MTMR9: variants seen among roughly 807,000 people sequenced by gnomAD.
MTMR9 encodes the protein myotubularin related protein 9, also known as myotubularin-related protein 9.
Under a neutral mutation model 69.5 loss-of-function variants are expected in MTMR9, and 39 were observed. The ratio of observed to expected loss-of-function variants is 0.56; its 90% CI spans 0.43 to 0.73. MTMR9 has a LOEUF of 0.73. Among genes scored for constraint, MTMR9 ranks in the 30% least tolerant of loss-of-function variants. The pLI, the probability that MTMR9 is intolerant of heterozygous loss-of-function variation, is 0.00. For synonymous variants in MTMR9, 354 were observed against 240.8 expected, an observed-to-expected ratio of 1.47 and a Z score of -4.35; for missense variants, 900 against 671.2, an observed-to-expected ratio of 1.34 and a Z score of -3.77.
Position 11,325,657 on chromosome 8 carries a change from C to A in MTMR9, c.*2869C>A, listed in dbSNP as rs1585142412. ...AAGGATCCTCAGATTTAAATAAGTACTTTTTTTTTTTTTAATCAGAAGAAC... is the reference window on the plus strand; with the variant it reads ...AAGGATCCTCAGATTTAAATAAGTAATTTTTTTTTTTTTAATCAGAAGAAC... On this transcript the variant is annotated 3_prime_UTR_variant, in exon 10 of 10. Transcript: ENST00000221086. The A allele has an allele frequency of 2.0e-5, 3 of 146,630 alleles. No individual in the cohort carries two copies. Among genetic ancestry groups the A allele is most frequent in the Admixed American group, 2.0e-4 (3 of 14,676 alleles). The allele number at this position is 146,630 out of a possible 1,614,324, so 9.1% of individuals were successfully genotyped here. A position where few individuals can be genotyped will look rare whatever the true frequency, so the allele number is the denominator to read the frequency against.
chr8:11,339,220 C>G, the MTMR9 span, among the ~76,000 whole-genome samples: 2 of 152,196 alleles, frequency 1.3e-5, no homozygotes, highest in Admixed American at 1.3e-4. Flanking sequence ...GTGGTAGCTC[C>G]AATCAAACAG....
intron 2 of MTMR9, among the ~76,000 whole-genome samples, chr8:11,298,110 G>A (rs1799621419): frequency 6.6e-6 from 1 of 152,148 alleles, no homozygotes; most frequent in Non-Finnish European, 1.5e-5. Flanking sequence ...AGTTAGTGAA[G>A]CTTTTTTTCA....
At chr8:11,333,349 T>C in the MTMR9 span, among the ~76,000 whole-genome samples, 3 of 152,218 alleles carry the variant, frequency 2.0e-5, no homozygotes, top group Non-Finnish European at 2.9e-5. Flanking sequence ...TGGGATGATA[T>C]AGTTTAAATG....
intron 7 of MTMR9, among the ~76,000 whole-genome samples, chr8:11,315,493 C>G (rs145384986): frequency 1.5e-3 from 227 of 152,278 alleles, no homozygotes; most frequent in African/African-American, 5.0e-3. Flanking sequence ...AAAACTGAAT[C>G]ATGTAATGTT....
chr8:11,306,981 C>G (rs1040341974), intron 5 of MTMR9, among the ~76,000 whole-genome samples: 3 of 152,186 alleles, frequency 2.0e-5, no homozygotes, highest in African/African-American at 7.2e-5. Context: ...GTTTATCTTT[C>G]TGTGCATGGG....
intron 1 of MTMR9, among the ~76,000 whole-genome samples, chr8:11,292,551 G>A (rs972839305): frequency 6.6e-6 from 1 of 152,160 alleles, no homozygotes; most frequent in Non-Finnish European, 1.5e-5. Context: ...ATGTTAAGTG[G>A]TATCTTACTG....
intron 6 of MTMR9, among the ~76,000 whole-genome samples, chr8:11,312,866 T>C (rs879679520): frequency 6.6e-6 from 1 of 152,210 alleles, no homozygotes; most frequent in Non-Finnish European, 1.5e-5. Flanking sequence ...ACAACATTCA[T>C]CTCCATGTAC....
chr8:11,316,649 G>A (rs1356097459), intron 7 of MTMR9, 24 bp from the exon 8 acceptor site: 1 of 1,529,694 alleles, frequency 6.5e-7, no homozygotes, highest in East Asian at 2.3e-5. Context: ...GGATATGACT[G>A]TCACGCCTCC....
In MTMR9 at chr8:11,324,346, C is replaced by G. The variant is rs1478763848; in HGVS notation, c.*1558C>G. The G allele has an allele frequency of 1.3e-5, 2 of 150,952 alleles. No individual in the cohort carries two copies. The highest frequency in any genetic ancestry group is 5.0e-5 in the African/African-American group (2 of 40,262). The allele number at this position is 150,952 out of a possible 1,614,324, so 9.4% of individuals were successfully genotyped here. A position where few individuals can be genotyped will look rare whatever the true frequency, so the allele number is the denominator to read the frequency against. ...TACACAGCAGCCCACAGTCCACAGT[C>G]TTTTTGGGAAAATTGGCCTGCCACC... On this transcript the variant is annotated 3_prime_UTR_variant, in exon 10 of 10. Coordinates refer to ENST00000221086, the MANE Select transcript of MTMR9 (RefSeq NM_015458.4).
chr8:11,328,361 G>GTT (rs1203298037), downstream of MTMR9, among the ~76,000 whole-genome samples: 3 of 150,632 alleles, frequency 2.0e-5, no homozygotes, highest in Non-Finnish European at 4.4e-5. Flanking sequence ...GTGTGTGTGT[G>GTT]TGTGTGTGTG....
At chr8:11,297,769 A>G (rs769380654) in intron 2 of MTMR9, 8 of 410,616 alleles carry the variant, frequency 1.9e-5, no homozygotes, top group Non-Finnish European at 3.9e-5. Flanking sequence ...ATTATATAAA[A>G]GCCCTTAGGA....
chr8:11,313,835 A>G (rs1800300382), intron 6 of MTMR9, among the ~76,000 whole-genome samples: 1 of 152,200 alleles, frequency 6.6e-6, no homozygotes, highest in Non-Finnish European at 1.5e-5. Context: ...AATAATGAAA[A>G]ATTTTGAAAT....
At chr8:11,318,639 G>A (rs992770499) in intron 8 of MTMR9, 1 of 152,120 alleles carries the variant, frequency 6.6e-6, no homozygotes, top group Non-Finnish European at 1.5e-5. Context: ...TCTAAAACAT[G>A]CCGATCGACT....
In MTMR9 at chr8:11,315,040, C is replaced by A; in HGVS notation, c.1089C>A (p.Ala363=). The A allele has an allele frequency of 6.2e-7, 1 of 1,613,462 alleles. No individual in the cohort carries two copies. Among genetic ancestry groups the A allele is most frequent in the Non-Finnish European group, 8.5e-7 (1 of 1,179,560 alleles). Residue 363 remains alanine, a synonymous_variant, in exon 7 of 10, where the codon GCC becomes GCA. Coordinates refer to ENST00000221086, the MANE Select transcript of MTMR9 (RefSeq NM_015458.4). ...PRSRTIRGFE[A]LIEREWLQAG... is the part of the protein sequence containing the mutation. Reference sequence around the variant, plus strand: ...GCAGGACCATTCGTGGTTTTGAGGCCCTGATTGAAAGAGAGTGGCTGCAGG... The same window carrying A: ...GCAGGACCATTCGTGGTTTTGAGGCACTGATTGAAAGAGAGTGGCTGCAGG...
At chr8:11,331,032 T>A, downstream of MTMR9, 1 of 1,522,794 alleles carries the variant, frequency 6.6e-7, no homozygotes, top group South Asian at 1.3e-5. Flanking sequence ...CGCACTCCAA[T>A]GAGGTCACAA....
At chr8:11,304,666 T>C (rs1228488706) in intron 3 of MTMR9, among the ~76,000 whole-genome samples, 175 bp from the exon 4 acceptor site, 4 of 152,176 alleles carry the variant, frequency 2.6e-5, no homozygotes, top group South Asian at 2.1e-4. Flanking sequence ...CCCTGAACCA[T>C]AGAGCTCCTT....
At chr8:11,315,278 C>T (rs1800368775) in intron 7 of MTMR9, among the ~76,000 whole-genome samples, 1 of 152,164 alleles carries the variant, frequency 6.6e-6, no homozygotes, top group Non-Finnish European at 1.5e-5. Context: ...TTAGGAAACT[C>T]CTGTTGGCTG....
At chr8:11,298,268 A>C (rs984734505) in intron 2 of MTMR9, among the ~76,000 whole-genome samples, 1 of 152,314 alleles carries the variant, frequency 6.6e-6, no homozygotes, top group Admixed American at 6.5e-5. Flanking sequence ...ACTTGCATTT[A>C]AAATAATGGT....
At chr8:11,332,539 C>G (rs529280637), downstream of MTMR9, among the ~76,000 whole-genome samples, 6 of 151,184 alleles carry the variant, frequency 4.0e-5, no homozygotes, top group Non-Finnish European at 8.8e-5. Flanking sequence ...GTAGCTGAAA[C>G]GTGCGACAAC....
Sources: gnomAD v4.1 joint callset for allele counts (sites outside exome capture counted in the v4.1 genomes callset) on GRCh38, gnomAD v4.1.1 for gene constraint, MANE v1.5 for transcripts, NCBI Gene and HGNC (gene_info 2026-07-23, HGNC 2026-07-21) for gene names.